TRIM54: variants seen among roughly 807,000 people sequenced by gnomAD.
TRIM54 encodes the protein tripartite motif-containing protein 54.
TRIM54 carries 40 observed loss-of-function variants against 42.0 expected under a neutral mutation model. That is an observed-to-expected ratio of 0.95 (90% CI 0.74 to 1.24). The LOEUF is 1.24. Among genes scored for constraint, TRIM54 ranks in the 50% most tolerant of loss-of-function variants. The probability of loss-of-function intolerance (pLI) is 0.00; values close to 1 mark genes in which losing one functional copy is unlikely to be tolerated. For missense variants in TRIM54, 485 were observed against 480.3 expected, an observed-to-expected ratio of 1.01 and a Z score of -0.09; for synonymous variants, 199 against 194.9, an observed-to-expected ratio of 1.02 and a Z score of -0.17.
At position 27,289,860 on chromosome 2, in the gene TRIM54, CTTTTTTTTTT is replaced by C. The variant is rs756771152; in HGVS notation, c.168+6981_168+6990del. 7.0e-5 allele frequency among the ~76,000 whole-genome samples: 7 copies of C among 100,630 alleles called. 1 individual carries two copies. The highest frequency in any genetic ancestry group is 2.8e-4 in the East Asian group (1 of 3,608). 66.0% of individuals were successfully genotyped at this position (100,630 alleles called of 152,430 possible). On this transcript the variant is annotated intron_variant, in intron 1 of 8. Coordinates refer to ENST00000380075, the MANE Select transcript of TRIM54 (RefSeq NM_187841.3). Reference sequence around the variant, plus strand: ...AGTGAGACACTATCTCTCTCTTTCTCTTTTTTTTTTTTTTTTTTTTTTTTTTTTTGAGACA... The same window carrying C: ...AGTGAGACACTATCTCTCTCTTTCTCTTTTTTTTTTTTTTTTTTTGAGACA...
At chr2:27,291,390 A>G (rs1421079623) in intron 1 of TRIM54, among the ~76,000 whole-genome samples, 1 of 152,192 alleles carries the variant, frequency 6.6e-6, no homozygotes, top group African/African-American at 2.4e-5. Flanking sequence ...ATGACTTTTA[A>G]ACCTTAAATA....
At position 27,294,621 on chromosome 2, in the gene TRIM54, G is replaced by A. The variant is rs531333132; in HGVS notation, c.169-3946G>A. The stretch of plus-strand genomic sequence containing the variant: ...ATTACCTACTTCAGGGCCAGGCATG[G>A]TGGCTCACGCCTGTAATCCCAGCAC... On this transcript the variant is annotated intron_variant, in intron 1 of 8. Transcript: ENST00000380075. Among the ~76,000 whole-genome samples the A allele has an allele frequency of 2.6e-5, 4 of 152,202 alleles. No homozygotes were observed. In the East Asian group the frequency reaches 7.8e-4, roughly 29 times the overall value.
intron 3 of TRIM54, among the ~76,000 whole-genome samples, chr2:27,300,880 A>G (rs996064348): frequency 3.9e-5 from 6 of 152,010 alleles, no homozygotes; most frequent in African/African-American, 1.4e-4. Context: ...ACAAACATAC[A>G]ATATTAAAAA....
In TRIM54 at chr2:27,298,751, G is replaced by C. The variant is rs919054246; in HGVS notation, c.341+12G>C. 1 of 1,612,566 alleles carries C rather than the reference G, an allele frequency of 6.2e-7. No homozygotes were observed. ...CAGGAGTCATCCAGGTGAGCCACCAGAGTCTCTTGCCTCTCTCATGACAGG... is the reference window on the plus strand; with the variant it reads ...CAGGAGTCATCCAGGTGAGCCACCACAGTCTCTTGCCTCTCTCATGACAGG... On this transcript the variant is annotated intron_variant, in intron 2 of 8. Transcript: ENST00000380075.
At chr2:27,286,198 T>C (rs1254184051) in intron 1 of TRIM54, among the ~76,000 whole-genome samples, 1 of 151,980 alleles carries the variant, frequency 6.6e-6, no homozygotes, top group Non-Finnish European at 1.5e-5. Flanking sequence ...TCACATTATG[T>C]TACCCAGACT....
chr2:27,305,962 C>T (rs1679190859), intron 5 of TRIM54, 118 bp from the exon 6 acceptor site: 2 of 1,452,756 alleles, frequency 1.4e-6, no homozygotes, highest in Middle Eastern at 2.3e-4. Flanking sequence ...TCGTTTTCTG[C>T]TTAACGAATT....
At chr2:27,285,942 A>G (rs1678545399) in intron 1 of TRIM54, among the ~76,000 whole-genome samples, 1 of 152,050 alleles carries the variant, frequency 6.6e-6, no homozygotes, top group South Asian at 2.1e-4. Flanking sequence ...TTATTTAAAA[A>G]TACTGGCTAC....
At chr2:27,293,948 G>GGGAGGT (rs1678792885) in intron 1 of TRIM54, among the ~76,000 whole-genome samples, 1 of 151,886 alleles carries the variant, frequency 6.6e-6, no homozygotes, top group Admixed American at 6.6e-5. Context: ...GCTTGAACCC[G>GGGAGGT]GGAGGTGGAG....
chr2:27,304,046 CA>C (rs904489349), intron 3 of TRIM54, among the ~76,000 whole-genome samples: 2 of 151,284 alleles, frequency 1.3e-5, no homozygotes, highest in Admixed American at 1.3e-4. Flanking sequence ...ACCCCGTCTA[CA>C]AAAAAATATA....
intron 3 of TRIM54, among the ~76,000 whole-genome samples, chr2:27,301,723 C>T (rs1036257996): frequency 3.3e-5 from 5 of 152,202 alleles, no homozygotes; most frequent in Non-Finnish European, 5.9e-5. Context: ...CATCCTATGA[C>T]TTAGAATGCC....
chr2:27,283,784 G>GCGCGCGCACACA (rs367621533), intron 1 of TRIM54, among the ~76,000 whole-genome samples: 18 of 132,200 alleles, frequency 1.4e-4, no homozygotes, highest in South Asian at 5.0e-4. Context: ...ACACACGCGC[G>GCGCGCGCACACA]CACACACACA....
In TRIM54 at chr2:27,305,756, C is replaced by T; in HGVS notation, c.782C>T (p.Ser261Phe). ...RQYGDHLEAS[S>F]KLVESAIQSM... ...TATGGCGACCACCTGGAGGCCTCCT[C>T]TAAGCTGGTGGAGTCTGCCATCCAG... Residue 261 changes from serine (S) to phenylalanine (F), a missense_variant, in exon 5 of 9, where the codon TCT becomes TTT. By Grantham distance (155) the Ser-to-Phe change is radical. Coordinates refer to ENST00000380075, the MANE Select transcript of TRIM54 (RefSeq NM_187841.3). 6.2e-7 allele frequency: 1 copy of T among 1,611,634 alleles called. No individual in the cohort carries two copies. Among genetic ancestry groups the T allele is most frequent in the South Asian group, 1.1e-5 (1 of 90,586 alleles).
At position 27,282,877 on chromosome 2, in the gene TRIM54, A is replaced by C; in HGVS notation, c.146A>C (p.Lys49Thr). The part of the protein sequence containing the change: ...ILPCQHNLCR[K>T]CANDVFQASN... ...CCCTGCCAACACAACCTGTGCCGCA[A>C]ATGTGCCAACGACGTCTTCCAGGTG... Residue 49 changes from lysine to threonine, a missense_variant, in exon 1 of 9, where the codon AAA (lysine) becomes ACA (threonine). Physicochemically the swap from Lys to Thr is moderately conservative, Grantham distance 78. Transcript: ENST00000380075. 6.2e-7 allele frequency: 1 copy of C among 1,613,454 alleles called. No homozygotes were observed. The highest frequency in any genetic ancestry group is 8.5e-7 in the Non-Finnish European group (1 of 1,179,646).
intron 1 of TRIM54, among the ~76,000 whole-genome samples, chr2:27,283,784 G>GCGCGCGCGCGCACACA (rs367621533): frequency 9.1e-5 from 12 of 132,166 alleles, no homozygotes; most frequent in African/African-American, 3.3e-4. Flanking sequence ...ACACACGCGC[G>GCGCGCGCGCGCACACA]CACACACACA....
chr2:27,286,799 T>C (rs1368192020), intron 1 of TRIM54, among the ~76,000 whole-genome samples: 1 of 152,106 alleles, frequency 6.6e-6, no homozygotes, highest in East Asian at 1.9e-4. Context: ...AGAGATGACT[T>C]TTGTTTCGCG....
intron 1 of TRIM54, among the ~76,000 whole-genome samples, chr2:27,293,638 T>C (rs1001134366): frequency 6.6e-6 from 1 of 152,246 alleles, no homozygotes; most frequent in Non-Finnish European, 1.5e-5. Flanking sequence ...CACAGTTGCA[T>C]AGTTGATTTT....
At chr2:27,304,650 T>C (rs1346063924) in intron 3 of TRIM54, 2 of 290,772 alleles carry the variant, frequency 6.9e-6, no homozygotes, top group African/African-American at 4.2e-5. Context: ...TTGAAGACTT[T>C]CTCAGAATCG....
intron 3 of TRIM54, among the ~76,000 whole-genome samples, chr2:27,304,306 A>C (rs1039554245): frequency 7.2e-6 from 1 of 138,384 alleles, no homozygotes; most frequent in African/African-American, 2.7e-5. Flanking sequence ...CATTCAACAG[A>C]TGGCTGGGCA....
At chr2:27,294,816 G>A (rs1005850482) in intron 1 of TRIM54, among the ~76,000 whole-genome samples, 20 of 146,588 alleles carry the variant, frequency 1.4e-4, no homozygotes, top group African/African-American at 5.0e-4. Flanking sequence ...CTTGAACCCA[G>A]GAGATGGAGG....
Sources: allele counts gnomAD v4.1 joint callset (sites outside exome capture counted in the v4.1 genomes callset), GRCh38; gene constraint gnomAD v4.1.1; transcripts MANE v1.5; gene names NCBI Gene and HGNC (gene_info 2026-07-23, HGNC 2026-07-21).